The following PAX2 variants were observed in gnomAD, a reference collection of about 807,000 sequenced individuals.
The protein encoded by PAX2 is paired box protein Pax-2.
In PAX2, 9 loss-of-function variants were observed where a neutral mutation model predicts 41.7. That is an observed-to-expected ratio of 0.22 (90% CI 0.13 to 0.38). PAX2 has a LOEUF of 0.38. Among genes scored for constraint, PAX2 ranks in the 10% least tolerant of loss-of-function variants. The probability of loss-of-function intolerance (pLI) is 1.00; values close to 1 mark genes in which losing one functional copy is unlikely to be tolerated. For missense variants in PAX2, 418 were observed against 531.6 expected, an observed-to-expected ratio of 0.79 and a Z score of 2.10; for synonymous variants, 221 against 212.7, an observed-to-expected ratio of 1.04 and a Z score of -0.34.
At chr10:100,817,357 C>A (rs1848224159) in intron 7 of PAX2, among the ~76,000 whole-genome samples, 1 of 152,206 alleles carries the variant, frequency 6.6e-6, no homozygotes, top group Admixed American at 6.5e-5. Flanking sequence ...ATGTGATTCT[C>A]CCCAACATTC....
At chr10:100,761,984 C>T (rs1845857663) in intron 3 of PAX2, among the ~76,000 whole-genome samples, 1 of 152,132 alleles carries the variant, frequency 6.6e-6, no homozygotes, top group African/African-American at 2.4e-5. Context: ...GGTATAGACC[C>T]CCAAAATCTT....
chr10:100,745,735 C>T lies in PAX2; in HGVS notation c.-526C>T. ...GCGGGGGCCTGGCCCGCGCGCTCCC[C>T]TCCCGCAGGCGCCACCTCGGACATC... On this transcript the variant is annotated 5_prime_UTR_variant, in exon 1 of 10. Coordinates refer to ENST00000355243, the MANE Select transcript of PAX2 (RefSeq NM_000278.5). 4 of 1,040,324 alleles carry T rather than the reference C, an allele frequency of 3.8e-6. No individual in the cohort carries two copies. The highest frequency in any genetic ancestry group is 4.6e-6 in the Non-Finnish European group (4 of 863,450). The allele number at this position is 1,040,324 out of a possible 1,614,324, so 64.4% of individuals were successfully genotyped here.
chr10:100,761,684 A>T (rs1003479845), intron 3 of PAX2, among the ~76,000 whole-genome samples: 2 of 152,214 alleles, frequency 1.3e-5, no homozygotes, highest in African/African-American at 4.8e-5. Context: ...ATTAAAATGC[A>T]AATACAATGA....
chr10:100,748,241 C>A lies in PAX2; in HGVS notation c.44-1505C>A. On this transcript the variant is annotated intron_variant, in intron 1 of 9. Transcript: ENST00000355243. This position sits in a 1 kb window ranked among gnomAD's most constrained non-coding sequence, Gnocchi z 5.0. ...AGCTGCCGCCTTTTCATACCGGTAA[C>A]GCGAGTTCTCCCGGGGCCTAAATTA... is the stretch of plus-strand genomic sequence containing the variant. 3 of 984,940 alleles carry A rather than the reference C, an allele frequency of 3.0e-6. No homozygotes were observed. The highest frequency in any genetic ancestry group is 3.6e-6 in the Non-Finnish European group (3 of 829,836). The allele number at this position is 984,940 out of a possible 1,614,324, so 61.0% of individuals were successfully genotyped here. A position where few individuals can be genotyped will look rare whatever the true frequency, so the allele number is the denominator to read the frequency against.
At chr10:100,782,460 T>C (rs112997003) in intron 5 of PAX2, among the ~76,000 whole-genome samples, 3,471 of 151,878 alleles carry the variant, frequency 0.023, 144 homozygotes, top group African/African-American at 0.081. Context: ...CCTAATGGAG[T>C]GAGGAGCAGA....
intron 5 of PAX2, among the ~76,000 whole-genome samples, chr10:100,796,953 G>C (rs1157641049): frequency 6.6e-6 from 1 of 152,192 alleles, no homozygotes. Flanking sequence ...AAATATCTAA[G>C]AGGGAATCCA....
At chr10:100,825,801 A>C (rs1848533105) in intron 8 of PAX2, among the ~76,000 whole-genome samples, 1 of 152,168 alleles carries the variant, frequency 6.6e-6, no homozygotes, top group Non-Finnish European at 1.5e-5. Flanking sequence ...CTAGGGGCTG[A>C]AGGGAGTTAG....
At chr10:100,788,771 A>G (rs1207221781) in intron 5 of PAX2, among the ~76,000 whole-genome samples, 2 of 152,196 alleles carry the variant, frequency 1.3e-5, no homozygotes, top group African/African-American at 2.4e-5. Context: ...AGGAGGGCCC[A>G]GGAGACTTGG....
At chr10:100,790,965 T>C (rs923205194) in intron 5 of PAX2, among the ~76,000 whole-genome samples, 1 of 152,158 alleles carries the variant, frequency 6.6e-6, no homozygotes, top group African/African-American at 2.4e-5. Context: ...AGCCAGTAAT[T>C]CAAACCATCC....
In PAX2 at chr10:100,786,677, C is replaced by T. The variant is rs1003548477; in HGVS notation, c.616+5312C>T. ...CTAAGCCAGGCCTCAGTGTGTTGAG[C>T]GCCCATGGTCCTGGGCACAGGCATC... On this transcript the variant is annotated intron_variant, in intron 5 of 9. Transcript: ENST00000355243. Among the ~76,000 whole-genome samples the T allele has an allele frequency of 2.2e-4, 33 of 152,190 alleles. 1 individual carries two copies. Among genetic ancestry groups the T allele is most frequent in the African/African-American group, 6.7e-4 (28 of 41,506 alleles).
At position 100,827,637 on chromosome 10, in the gene PAX2, T is replaced by A. The variant is rs775547122; in HGVS notation, c.*18T>A. On this transcript the variant is annotated 3_prime_UTR_variant, in exon 10 of 10. Transcript: ENST00000355243. This position sits in a 1 kb window ranked among gnomAD's most constrained non-coding sequence, Gnocchi z 8.5. Reference sequence around the variant, plus strand: ...GCCACTAGTTACCGCGGGGACCACATCAAGCTTCAGGCCGACAGCTTCGGC... The same window carrying A: ...GCCACTAGTTACCGCGGGGACCACAACAAGCTTCAGGCCGACAGCTTCGGC... 6.2e-7 allele frequency: 1 copy of A among 1,613,790 alleles called. No individual in the cohort carries two copies. Among genetic ancestry groups the A allele is most frequent in the Non-Finnish European group, 8.5e-7 (1 of 1,179,870 alleles).
At position 100,746,258 on chromosome 10, in the gene PAX2, C is replaced by T. The variant is rs751133107; in HGVS notation, c.-3C>T. 6.2e-7 allele frequency: 1 copy of T among 1,613,760 alleles called. No individual in the cohort carries two copies. The highest frequency in any genetic ancestry group is 8.5e-7 in the Non-Finnish European group (1 of 1,179,786). On this transcript the variant is annotated 5_prime_UTR_variant, in exon 1 of 10. Coordinates refer to ENST00000355243, the MANE Select transcript of PAX2 (RefSeq NM_000278.5). ...CGCGCTGCTCCCGCTCCTCTGCCTC[C>T]CCATGGATATGCACTGCAAAGCAGA...
Position 100,782,542 on chromosome 10 carries a change from T to C in PAX2, c.616+1177T>C, listed in dbSNP as rs548852506. On this transcript the variant is annotated intron_variant, in intron 5 of 9. Transcript: ENST00000355243. ...CCCAGCCTAGGCTGAGGGAAGAGAGTGGGAGAGGCCAGGCCCCCAGCGGAA... is the reference window on the plus strand; with the variant it reads ...CCCAGCCTAGGCTGAGGGAAGAGAGCGGGAGAGGCCAGGCCCCCAGCGGAA... Among the ~76,000 whole-genome samples the C allele has an allele frequency of 2.0e-5, 3 of 151,904 alleles. No individual in the cohort carries two copies. In the East Asian group the frequency reaches 5.8e-4, roughly 29 times the overall value.
At chr10:100,745,519 G>A (rs950307778), upstream of PAX2, among the ~76,000 whole-genome samples, 2 of 152,020 alleles carry the variant, frequency 1.3e-5, no homozygotes, top group Non-Finnish European at 2.9e-5. Context: ...CGCGGGGAGG[G>A]GGAGGAGGTC....
intron 1 of PAX2, among the ~76,000 whole-genome samples, chr10:100,739,816 G>A (rs1589798448): frequency 6.6e-6 from 1 of 152,216 alleles, no homozygotes; most frequent in South Asian, 2.1e-4. Flanking sequence ...CGCGGGCTCC[G>A]GGCCGGCTGC....
At chr10:100,800,196 A>G (rs1040717517) in intron 5 of PAX2, among the ~76,000 whole-genome samples, 1 of 151,702 alleles carries the variant, frequency 6.6e-6, no homozygotes, top group African/African-American at 2.4e-5. Flanking sequence ...GTAGACTTTG[A>G]TGAGCCTTGG....
chr10:100,800,340 AC>A lies in PAX2; in HGVS notation c.617-6089del, dbSNP rs535943195. On this transcript the variant is annotated intron_variant, in intron 5 of 9. Coordinates refer to ENST00000355243, the MANE Select transcript of PAX2 (RefSeq NM_000278.5). ...TGTTGTCCAGGCTGAATGCAGTGGC[AC>A]TATCTTAGCTCACTGCAGCCTTGAC... Among the ~76,000 whole-genome samples the A allele has an allele frequency of 3.0e-3, 403 of 133,262 alleles. 2 individuals carry two copies. The highest frequency in any genetic ancestry group is 0.012 in the African/African-American group (387 of 33,560). 87.4% of individuals were successfully genotyped at this position (133,262 alleles called of 152,430 possible). A position where few individuals can be genotyped will look rare whatever the true frequency, so the allele number is the denominator to read the frequency against.
intron 7 of PAX2, among the ~76,000 whole-genome samples, chr10:100,809,782 G>A (rs1847930017): frequency 6.6e-6 from 1 of 152,242 alleles, no homozygotes; most frequent in Non-Finnish European, 1.5e-5. Context: ...TTCCCAGAGA[G>A]GTCAGTGACA....
chr10:100,825,032 G>A (rs774515439), intron 8 of PAX2: 18 of 1,465,088 alleles, frequency 1.2e-5, no homozygotes, highest in South Asian at 5.7e-5. Flanking sequence ...GTCTGTGCCC[G>A]AGGAGCACTC....
Sources: gnomAD v4.1 joint callset for allele counts (sites outside exome capture counted in the v4.1 genomes callset) on GRCh38, gnomAD v4.1.1 for gene constraint, Gnocchi (gnomAD v3.1) non-coding constraint, MANE v1.5 for transcripts, NCBI Gene and HGNC (gene_info 2026-07-23, HGNC 2026-07-21) for gene names.